The following IL1RAPL1 variants were observed in gnomAD, a reference collection of about 807,000 sequenced individuals.
The protein encoded by IL1RAPL1 is interleukin-1 receptor accessory protein-like 1.
A neutral mutation model predicts 48.4 loss-of-function variants in IL1RAPL1; 3 were observed. The observed-to-expected ratio is 0.06, with a 90% CI of 0.03 to 0.16. The LOEUF is 0.16. Ranked by LOEUF, IL1RAPL1 falls within the 10% of genes least tolerant of loss-of-function variation. The pLI is 1.00. For synonymous variants in IL1RAPL1, 185 were observed against 187.7 expected, an observed-to-expected ratio of 0.99 and a Z score of 0.12; for missense variants, 349 against 530.6, an observed-to-expected ratio of 0.66 and a Z score of 3.36.
chrX:29,336,269 C>CATATAT (rs57126796), intron 3 of IL1RAPL1, among the ~76,000 whole-genome samples: 1,148 of 57,450 alleles, frequency 0.02, 57 homozygotes, highest in South Asian at 0.029. Flanking sequence ...ATATATATGC[C>CATATAT]ATATATATAT....
intron 6 of IL1RAPL1, among the ~76,000 whole-genome samples, chrX:29,885,017 C>T (rs1428051634): frequency 1.9e-5 from 2 of 107,868 alleles, no homozygotes; most frequent in African/African-American, 7.3e-5. Context: ...ATCTACAAGG[C>T]CCAATCTGGG....
chrX:29,495,199 A>G (rs780043319), intron 5 of IL1RAPL1, among the ~76,000 whole-genome samples: 16 of 111,913 alleles, frequency 1.4e-4, no homozygotes, highest in Non-Finnish European at 2.6e-4. Context: ...GTTCCTTGTA[A>G]CCTTATCTTG....
chrX:29,596,207 A>G (rs960240296), intron 5 of IL1RAPL1, among the ~76,000 whole-genome samples: 11 of 111,400 alleles, frequency 9.9e-5, no homozygotes, highest in African/African-American at 2.9e-4. Context: ...TGCTTTGGCT[A>G]TGCAGGTTCT....
chrX:29,267,462 C>T (rs1471834288), intron 2 of IL1RAPL1, among the ~76,000 whole-genome samples: 4 of 111,759 alleles, frequency 3.6e-5, no homozygotes, highest in Admixed American at 1.9e-4. Context: ...GTAAAAACAA[C>T]ACACATATAC....
intron 2 of IL1RAPL1, among the ~76,000 whole-genome samples, chrX:28,815,882 T>TATATATATATATATAA (rs1555926465): frequency 1.3e-5 from 1 of 75,543 alleles, no homozygotes. Flanking sequence ...TATATATATA[T>TATATATATATATATAA]ATAATTTTTT....
intron 2 of IL1RAPL1, among the ~76,000 whole-genome samples, chrX:28,991,619 C>T (rs1021189932): frequency 2.7e-5 from 3 of 110,338 alleles, no homozygotes; most frequent in African/African-American, 6.6e-5. Context: ...TTGCAAAGAC[C>T]GAAATGATAT....
At chrX:29,076,012 A>T (rs1489298955) in intron 2 of IL1RAPL1, among the ~76,000 whole-genome samples, 1 of 111,747 alleles carries the variant, frequency 8.9e-6, no homozygotes, top group Non-Finnish European at 1.9e-5. Context: ...TCCATTGAAA[A>T]ATGTGGCTAC....
chrX:29,617,919 C>T (rs759986212), intron 5 of IL1RAPL1, among the ~76,000 whole-genome samples: 2 of 111,684 alleles, frequency 1.8e-5, no homozygotes, highest in Non-Finnish European at 3.8e-5. Flanking sequence ...AATGGTGTCA[C>T]CTGCTGCTGG....
In IL1RAPL1 at chrX:28,903,345, A is replaced by G. The variant is rs184606978; in HGVS notation, c.82+113920A>G. Among the ~76,000 whole-genome samples, 3 of 110,457 alleles carry G rather than the reference A, an allele frequency of 2.7e-5. No homozygotes were observed. The Admixed American group carries it at 2.9e-4, about 11-fold the overall frequency. On this transcript the variant is annotated intron_variant, in intron 2 of 10. Transcript: ENST00000378993. Reference sequence around the variant, plus strand: ...ATGTTGGCCAGGCTGGTCTCGAACTACTACTGACCTCAAGTAATCCTCCTG... The same window carrying G: ...ATGTTGGCCAGGCTGGTCTCGAACTGCTACTGACCTCAAGTAATCCTCCTG...
intron 2 of IL1RAPL1, among the ~76,000 whole-genome samples, chrX:29,203,201 C>T (rs1223813330): frequency 1.8e-5 from 2 of 110,697 alleles, no homozygotes; most frequent in Non-Finnish European, 3.8e-5. Context: ...GTGGTCATTG[C>T]CCCATTTCAA....
intron 3 of IL1RAPL1, among the ~76,000 whole-genome samples, chrX:29,350,677 C>A: frequency 9.3e-6 from 1 of 108,097 alleles, no homozygotes; most frequent in African/African-American, 3.4e-5. Flanking sequence ...TTCTACATGG[C>A]GCCCTGAGCT....
intron 6 of IL1RAPL1, among the ~76,000 whole-genome samples, chrX:29,743,643 C>T (rs1276992034): frequency 1.8e-5 from 2 of 111,158 alleles, no homozygotes; most frequent in African/African-American, 3.3e-5. Flanking sequence ...CACCACCATG[C>T]CCAGCTAACT....
intron 5 of IL1RAPL1, among the ~76,000 whole-genome samples, chrX:29,485,857 G>A (rs979023642): frequency 9.0e-6 from 1 of 111,296 alleles, no homozygotes; most frequent in African/African-American, 3.3e-5. Context: ...GACTCAAAGT[G>A]TGAGCAGGAG....
intron 5 of IL1RAPL1, among the ~76,000 whole-genome samples, chrX:29,633,281 A>G (rs1474644694): frequency 9.0e-6 from 1 of 111,689 alleles, no homozygotes; most frequent in Non-Finnish European, 1.9e-5. Context: ...TCATTTACCT[A>G]AATTTCCAAA....
At chrX:29,894,837 T>C (rs1932345995) in intron 6 of IL1RAPL1, among the ~76,000 whole-genome samples, 1 of 110,812 alleles carries the variant, frequency 9.0e-6, no homozygotes, top group African/African-American at 3.3e-5. Context: ...CTGTTCTTTT[T>C]TTTATTTTTG....
chrX:28,642,414 A>G (rs1934556922), intron 1 of IL1RAPL1, among the ~76,000 whole-genome samples: 1 of 112,081 alleles, frequency 8.9e-6, no homozygotes, highest in South Asian at 3.7e-4. Flanking sequence ...AATTGGAAGT[A>G]AAACACTCCT....
chrX:29,689,702 C>CT (rs1319488574), intron 6 of IL1RAPL1, among the ~76,000 whole-genome samples: 1 of 112,130 alleles, frequency 8.9e-6, no homozygotes, highest in Non-Finnish European at 1.9e-5. Flanking sequence ...CATATGTTGG[C>CT]TTTTGGAGTG....
At chrX:28,648,094 C>A (rs777327972) in intron 1 of IL1RAPL1, among the ~76,000 whole-genome samples, 1 of 111,616 alleles carries the variant, frequency 9.0e-6, no homozygotes, top group Non-Finnish European at 1.9e-5. Context: ...CCTTTCCTTT[C>A]CTTGAGTAAA....
At chrX:29,635,767 A>G (rs1400074828) in intron 5 of IL1RAPL1, among the ~76,000 whole-genome samples, 2 of 108,310 alleles carry the variant, frequency 1.8e-5, no homozygotes, top group African/African-American at 6.7e-5. Flanking sequence ...GTAAATTTAG[A>G]TGTTAAATAT....
Sources: allele counts gnomAD v4.1 joint callset (sites outside exome capture counted in the v4.1 genomes callset), GRCh38; gene constraint gnomAD v4.1.1; transcripts MANE v1.5; gene names NCBI Gene and HGNC (gene_info 2026-07-23, HGNC 2026-07-21).